PCDHGA6: variants seen among roughly 807,000 people sequenced by gnomAD.
PCDHGA6 encodes protocadherin gamma subfamily A, 6.
A neutral mutation model predicts 60.6 loss-of-function variants in PCDHGA6; 41 were observed. That is an observed-to-expected ratio of 0.68 (90% CI 0.53 to 0.88). The LOEUF (loss-of-function observed/expected upper bound fraction) is 0.88. PCDHGA6 is among the 40% of genes least tolerant of loss of function. The pLI is 0.00. For missense variants in PCDHGA6, 1,312 were observed against 1,203.0 expected (o/e 1.09, Z -1.34); for synonymous variants, 594 against 524.4 (o/e 1.13, Z -1.81).
Position 141,487,418 on chromosome 5 carries a change from A to T in PCDHGA6, c.2425-7389A>T. ...GGAGGGGCTTCCCCCTTCCAATGGG[A>T]TCCTCCGAATCCAGCTAGGGTCAGA... On this transcript the variant is annotated intron_variant, in intron 1 of 3. Transcript: ENST00000517434. The surrounding 1 kb of genome is among the most constrained non-coding windows in gnomAD (Gnocchi z 5.0). The T allele has an allele frequency of 6.2e-7, 1 of 1,614,060 alleles. No homozygotes were observed. The highest frequency in any genetic ancestry group is 8.5e-7 in the Non-Finnish European group (1 of 1,179,998).
At chr5:141,378,934 C>G (rs1228381656) in intron 1 of PCDHGA6, 3 of 152,166 alleles carry the variant, frequency 2.0e-5, no homozygotes, top group Non-Finnish European at 2.9e-5. Flanking sequence ...GTTGATGGCC[C>G]TGGAATGAAT....
intron 1 of PCDHGA6, among the ~76,000 whole-genome samples, chr5:141,462,442 A>C (rs890167032): frequency 1.3e-5 from 2 of 152,150 alleles, no homozygotes; most frequent in African/African-American, 4.8e-5. Context: ...GCTTACACAC[A>C]ACTGTGTAAC....
intron 1 of PCDHGA6, chr5:141,413,488 C>T (rs2095648022): frequency 3.1e-6 from 5 of 1,613,868 alleles, no homozygotes; most frequent in Non-Finnish European, 3.4e-6. Context: ...TCAGAGCGCG[C>T]GGTGCGTGGT....
chr5:141,465,801 C>T (rs1380215288), intron 1 of PCDHGA6, among the ~76,000 whole-genome samples: 2 of 151,400 alleles, frequency 1.3e-5, no homozygotes, highest in Non-Finnish European at 2.9e-5. Context: ...TTAAGAAACC[C>T]TTCAGGATCT....
chr5:141,451,284 G>A (rs950768919), intron 1 of PCDHGA6, among the ~76,000 whole-genome samples: 1 of 152,186 alleles, frequency 6.6e-6, no homozygotes. Context: ...GAGTGCCTCT[G>A]CCTCAAAGTC....
At chr5:141,439,622 TCC>T (rs1374759651) in intron 1 of PCDHGA6, among the ~76,000 whole-genome samples, 1 of 152,134 alleles carries the variant, frequency 6.6e-6, no homozygotes, top group Non-Finnish European at 1.5e-5. Context: ...AATGAGCCAA[TCC>T]CCAGACATTC....
chr5:141,431,995 G>A lies in PCDHGA6; in HGVS notation c.2424+55488G>A. 6.2e-7 allele frequency: 1 copy of A among 1,614,048 alleles called. No individual in the cohort carries two copies. Among genetic ancestry groups the A allele is most frequent in the East Asian group, 2.2e-5 (1 of 44,898 alleles). The stretch of plus-strand genomic sequence containing the variant: ...TAGTCACAGACATAGTCTTGGATAG[G>A]GAACAGGTTCCTAGCTACAACATCA... On this transcript the variant is annotated intron_variant, in intron 1 of 3. Coordinates refer to ENST00000517434, the MANE Select transcript of PCDHGA6 (RefSeq NM_018919.3). This position sits in a 1 kb window ranked among gnomAD's most constrained non-coding sequence, Gnocchi z 4.8.
chr5:141,421,574 A>C, intron 1 of PCDHGA6: 1 of 1,613,924 alleles, frequency 6.2e-7, no homozygotes. Flanking sequence ...GACACCTTGA[A>C]GATTTACGGA....
At chr5:141,507,852 T>C (rs556569001) in intron 3 of PCDHGA6, among the ~76,000 whole-genome samples, 25 of 152,118 alleles carry the variant, frequency 1.6e-4, no homozygotes, top group Non-Finnish European at 2.6e-4. Context: ...CTGCTCTCAC[T>C]TTCACACCCG....
intron 1 of PCDHGA6, among the ~76,000 whole-genome samples, chr5:141,437,246 C>A (rs897787623): frequency 6.6e-6 from 1 of 152,144 alleles, no homozygotes; most frequent in Non-Finnish European, 1.5e-5. Context: ...CAAGGACTTT[C>A]CTTGTCTTTT....
At position 141,430,830 on chromosome 5, in the gene PCDHGA6, G is replaced by A. The variant is rs754181300; in HGVS notation, c.2424+54323G>A. The stretch of plus-strand genomic sequence containing the variant: ...CTGGGAATCCTCCTGGGGACTCTGT[G>A]GGAGACCGGATGCACCCAGATACGC... On this transcript the variant is annotated intron_variant, in intron 1 of 3. Coordinates refer to ENST00000517434, the MANE Select transcript of PCDHGA6 (RefSeq NM_018919.3). 8 of 1,554,850 alleles carry A rather than the reference G, an allele frequency of 5.1e-6. No homozygotes were observed. The East Asian group carries it at 1.6e-4, about 31-fold the overall frequency.
At chr5:141,480,702 C>T (rs1455955207) in intron 1 of PCDHGA6, among the ~76,000 whole-genome samples, 1 of 152,170 alleles carries the variant, frequency 6.6e-6, no homozygotes, top group African/African-American at 2.4e-5. Context: ...AGGCCACACC[C>T]CGACAAATGA....
At position 141,511,397 on chromosome 5, in the gene PCDHGA6, C is replaced by A; in HGVS notation, c.*224C>A. ...AGCAGTTCCGCTGGGAACCCCCATC[C>A]AATCAACTGCTGTACCCATGGGGGT... On this transcript the variant is annotated 3_prime_UTR_variant, in exon 4 of 4. Coordinates refer to ENST00000517434, the MANE Select transcript of PCDHGA6 (RefSeq NM_018919.3). 1.0e-6 allele frequency: 1 copy of A among 1,002,376 alleles called. No individual in the cohort carries two copies. The highest frequency in any genetic ancestry group is 1.4e-6 in the Non-Finnish European group (1 of 705,546). 62.1% of individuals were successfully genotyped at this position (1,002,376 alleles called of 1,614,324 possible). A position where few individuals can be genotyped will look rare whatever the true frequency, so the allele number is the denominator to read the frequency against.
intron 1 of PCDHGA6, chr5:141,421,352 AGG>A: frequency 6.2e-7 from 1 of 1,613,946 alleles, no homozygotes; most frequent in Non-Finnish European, 8.5e-7. Context: ...GAGACCGAAA[AGG>A]GCTCCTTCGT....
intron 2 of PCDHGA6, among the ~76,000 whole-genome samples, chr5:141,496,097 A>C (rs1329818315): frequency 6.6e-6 from 1 of 151,148 alleles, no homozygotes; most frequent in Non-Finnish European, 1.5e-5. Context: ...CCACCCACCA[A>C]CACCCCGCTC....
At chr5:141,456,702 C>T (rs1185842343) in intron 1 of PCDHGA6, among the ~76,000 whole-genome samples, 1 of 152,062 alleles carries the variant, frequency 6.6e-6, no homozygotes, top group Non-Finnish European at 1.5e-5. Flanking sequence ...TGGTGGCTCG[C>T]GCCTGTAATC....
chr5:141,418,087 C>T (rs2096220274), intron 1 of PCDHGA6: 9 of 1,613,894 alleles, frequency 5.6e-6, no homozygotes, highest in Non-Finnish European at 7.6e-6. Flanking sequence ...TGCACTTCAG[C>T]GTAGACGCGC....
intron 1 of PCDHGA6, chr5:141,417,885 G>T (rs761442517): frequency 3.8e-6 from 6 of 1,562,926 alleles, no homozygotes; most frequent in South Asian, 1.2e-5. Context: ...GCGCAGAGGC[G>T]CCGGGCCGGC....
intron 2 of PCDHGA6, among the ~76,000 whole-genome samples, chr5:141,500,194 T>G (rs994324188): frequency 2.1e-4 from 31 of 147,918 alleles, no homozygotes; most frequent in African/African-American, 7.7e-4. Context: ...TTTTATTTAT[T>G]TATTTATTTA....
Sources: gnomAD v4.1 joint callset for allele counts (sites outside exome capture counted in the v4.1 genomes callset) on GRCh38, gnomAD v4.1.1 for gene constraint, Gnocchi (gnomAD v3.1) non-coding constraint, MANE v1.5 for transcripts, NCBI Gene and HGNC (gene_info 2026-07-23, HGNC 2026-07-21) for gene names.